The following LNPK variants were observed in gnomAD, a reference collection of about 807,000 sequenced individuals.
The protein encoded by LNPK is endoplasmic reticulum junction formation protein lunapark.
LNPK carries 29 observed loss-of-function variants against 55.2 expected under a neutral mutation model. The ratio of observed to expected loss-of-function variants is 0.53; its 90% confidence interval spans 0.39 to 0.72. LNPK has a LOEUF of 0.72. Among genes scored for constraint, LNPK ranks in the 30% least tolerant of loss-of-function variants. The pLI is 0.00. For synonymous variants in LNPK, 162 were observed against 168.2 expected, an observed-to-expected ratio of 0.96 and a Z score of 0.29; for missense variants, 467 against 494.8, an observed-to-expected ratio of 0.94 and a Z score of 0.53.
intron 8 of LNPK, among the ~76,000 whole-genome samples, chr2:175,963,497 T>A (rs558795750): frequency 8.7e-4 from 133 of 152,132 alleles, no homozygotes; most frequent in African/African-American, 2.3e-3. Flanking sequence ...TAGATGGGAA[T>A]TGAACAATGA....
intron 9 of LNPK, among the ~76,000 whole-genome samples, chr2:175,942,871 G>C (rs565383291): frequency 6.6e-6 from 1 of 150,458 alleles, no homozygotes; most frequent in South Asian, 2.1e-4. Flanking sequence ...ATAAAGAAAA[G>C]CTGGTTCTTT....
intron 8 of LNPK, among the ~76,000 whole-genome samples, chr2:175,948,341 G>A (rs148417070): frequency 1.0e-3 from 153 of 152,340 alleles, no homozygotes; most frequent in African/African-American, 3.3e-3. Context: ...GGGTCAGCAA[G>A]CATGCCAAAT....
At chr2:175,937,631 T>C (rs1458967730) in intron 11 of LNPK, 117 bp from the exon 12 acceptor site, 2 of 653,686 alleles carry the variant, frequency 3.1e-6, no homozygotes, top group Admixed American at 3.0e-5. Flanking sequence ...TAAAAGTTAC[T>C]GTGTATGTTA....
intron 4 of LNPK, among the ~76,000 whole-genome samples, chr2:175,989,203 G>A (rs1191653323): frequency 6.6e-6 from 1 of 152,222 alleles, no homozygotes; most frequent in Non-Finnish European, 1.5e-5. Context: ...TGTGGGGAGA[G>A]AGAGGAGGCA....
At chr2:175,964,233 C>T in intron 8 of LNPK, 139 bp downstream of exon 8, 1 of 610,926 alleles carries the variant, frequency 1.6e-6, no homozygotes, top group South Asian at 2.3e-5. Flanking sequence ...CACCCTAAGT[C>T]ATATCCCAAA....
chr2:175,958,237 G>A lies in LNPK; in HGVS notation c.493+6135C>T, dbSNP rs368124654. On this transcript the variant is annotated intron_variant, in intron 8 of 12. Transcript: ENST00000272748. ...TCTCCCAGCATGGAGTTTGAGCTCT[G>A]AGAACAGACAGACTGCCTCCTCAAG... is the stretch of plus-strand genomic sequence containing the variant. Among the ~76,000 whole-genome samples, 19 of 152,336 alleles carry A rather than the reference G, an allele frequency of 1.2e-4. No homozygotes were observed. The East Asian group carries it at 3.1e-3, about 25-fold the overall frequency.
intron 12 of LNPK, among the ~76,000 whole-genome samples, chr2:175,936,146 G>A (rs1371819627): frequency 4.6e-5 from 7 of 152,168 alleles, no homozygotes; most frequent in African/African-American, 7.2e-5. Context: ...TTGTTTGAAG[G>A]TGATGCTGCA....
rs1486596456 is a variant in LNPK at position 175,927,076 on chromosome 2, T to C, written c.*2891A>G. The C allele has an allele frequency of 6.6e-6, 1 of 151,958 alleles. No homozygotes were observed. Among genetic ancestry groups the C allele is most frequent in the Non-Finnish European group, 1.5e-5 (1 of 67,984 alleles). 9.4% of individuals were successfully genotyped at this position (151,958 alleles called of 1,614,324 possible). On this transcript the variant is annotated 3_prime_UTR_variant, in exon 13 of 13. Transcript: ENST00000272748. ...AGAATGAAGAAATGATGACACTAGG[T>C]AGAACTTAAGGAACACCAACACTTA...
At chr2:175,996,254 C>A (rs1687927229) in intron 1 of LNPK, among the ~76,000 whole-genome samples, 1 of 152,120 alleles carries the variant, frequency 6.6e-6, no homozygotes, top group African/African-American at 2.4e-5. Context: ...AAAATAGGTT[C>A]TCTATGTTGT....
intron 8 of LNPK, among the ~76,000 whole-genome samples, chr2:175,956,476 T>A (rs1055964315): frequency 1.3e-5 from 2 of 152,100 alleles, no homozygotes; most frequent in African/African-American, 4.8e-5. Flanking sequence ...AACTGCAAGA[T>A]CTATAACCCA....
chr2:175,937,495 A>G lies in LNPK; in HGVS notation c.903T>C (p.Cys301=), dbSNP rs1294870830. The change falls in exon 12 of 13, where the codon TGT becomes TGC. Residue 301 remains cysteine, a synonymous_variant. Coordinates refer to ENST00000272748, the MANE Select transcript of LNPK (RefSeq NM_030650.3). ...TTTTTCTTGCAGGGTTCAAGAAAAAACAGTAGGCACATCGAAAAGCTGCAG... is the reference window on the plus strand; with the variant it reads ...TTTTTCTTGCAGGGTTCAAGAAAAAGCAGTAGGCACATCGAAAAGCTGCAG... ...FEYIAFRCAY[C]FFLNPARKTR... 6.2e-7 allele frequency: 1 copy of G among 1,610,692 alleles called. No homozygotes were observed. The highest frequency in any genetic ancestry group is 8.5e-7 in the Non-Finnish European group (1 of 1,178,864).
chr2:175,941,559 G>A (rs1356656407), intron 9 of LNPK, among the ~76,000 whole-genome samples: 6 of 151,512 alleles, frequency 4.0e-5, no homozygotes, highest in South Asian at 4.2e-4. Context: ...TTAGGAGGCC[G>A]AGGTGGGCAG....
Position 175,997,703 on chromosome 2 carries a change from C to CTGTGTGTG in LNPK, c.-62-2058_-62-2057insCACACACA, listed in dbSNP as rs1491566543. Among the ~76,000 whole-genome samples the CTGTGTGTG allele has an allele frequency of 2.2e-4, 10 of 45,870 alleles. No homozygotes were observed. In the East Asian group the frequency reaches 6.1e-3, roughly 28 times the overall value. 30.1% of individuals were successfully genotyped at this position (45,870 alleles called of 152,430 possible). A position where few individuals can be genotyped will look rare whatever the true frequency, so the allele number is the denominator to read the frequency against. On this transcript the variant is annotated intron_variant, in intron 1 of 12. Coordinates refer to ENST00000272748, the MANE Select transcript of LNPK (RefSeq NM_030650.3). ...ATTTCTAGCGGCCCTAAAACAAATG[C>CTGTGTGTG]TCTGTGTGTGTGTGTGTGTGTGTGT...
At chr2:175,983,877 A>G (rs1234189733) in intron 4 of LNPK, among the ~76,000 whole-genome samples, 1 of 151,984 alleles carries the variant, frequency 6.6e-6, no homozygotes, top group Non-Finnish European at 1.5e-5. Context: ...AAAAACAAAA[A>G]TTAAACCACC....
intron 12 of LNPK, chr2:175,932,275 G>C (rs1218593670): frequency 4.7e-6 from 2 of 425,352 alleles, no homozygotes; most frequent in Non-Finnish European, 9.4e-6. Context: ...ACAAATTCTG[G>C]GGCCACAAAG....
Position 175,924,897 on chromosome 2 carries a change from T to G in LNPK, c.*5070A>C, listed in dbSNP as rs1251698025. On this transcript the variant is annotated 3_prime_UTR_variant, in exon 13 of 13. Transcript: ENST00000272748. ...AAGGGAGGGAGGATACCAGGCTCTTTTAAACAATCAGCTTCCAGGGGAGGA... is the reference window on the plus strand; with the variant it reads ...AAGGGAGGGAGGATACCAGGCTCTTGTAAACAATCAGCTTCCAGGGGAGGA... 6.6e-6 allele frequency: 1 copy of G among 152,176 alleles called. No individual in the cohort carries two copies. Among genetic ancestry groups the G allele is most frequent in the Non-Finnish European group, 1.5e-5 (1 of 68,170 alleles). 9.4% of individuals were successfully genotyped at this position (152,176 alleles called of 1,614,324 possible). A position where few individuals can be genotyped will look rare whatever the true frequency, so the allele number is the denominator to read the frequency against.
intron 4 of LNPK, among the ~76,000 whole-genome samples, chr2:175,982,343 G>C (rs1687214086): frequency 6.6e-6 from 1 of 152,066 alleles, no homozygotes; most frequent in African/African-American, 2.4e-5. Context: ...ATAATTGTCA[G>C]TGTAAATACT....
chr2:175,984,454 G>A (rs745440266), intron 4 of LNPK, among the ~76,000 whole-genome samples: 13 of 152,010 alleles, frequency 8.6e-5, no homozygotes, highest in Non-Finnish European at 1.8e-4. Context: ...GATTACAGGC[G>A]TGAACCACTG....
At chr2:175,993,340 T>C (rs1687784370) in intron 2 of LNPK, 117 bp from the exon 3 acceptor site, 1 of 514,700 alleles carries the variant, frequency 1.9e-6, no homozygotes, top group African/African-American at 2.0e-5. Context: ...TCTTGTCAAA[T>C]ATGCATTCTT....
Sources: gnomAD v4.1 joint callset for allele counts (sites outside exome capture counted in the v4.1 genomes callset) on GRCh38, gnomAD v4.1.1 for gene constraint, MANE v1.5 for transcripts, NCBI Gene and HGNC (gene_info 2026-07-23, HGNC 2026-07-21) for gene names.